Variants in NKAIN3 observed in about 807,000 individuals in gnomAD.
NKAIN3 encodes the protein sodium/potassium-transporting ATPase subunit beta-1-interacting protein 3.
NKAIN3 carries 25 observed loss-of-function variants against 30.2 expected under a neutral mutation model. The ratio of observed to expected loss-of-function variants is 0.83; its 90% CI spans 0.60 to 1.16. The LOEUF (loss-of-function observed/expected upper bound fraction) is 1.16. NKAIN3 is among the 50% of genes most tolerant of loss of function. The probability of loss-of-function intolerance (pLI) is 0.00; values close to 1 mark genes in which losing one functional copy is unlikely to be tolerated. For synonymous variants in NKAIN3, 91 were observed against 89.6 expected, an observed-to-expected ratio of 1.02 and a Z score of -0.09; for missense variants, 225 against 254.1, an observed-to-expected ratio of 0.89 and a Z score of 0.78.
rs1823900144 is a variant in NKAIN3, at chr8:62,974,370, C to T, written c.*8963C>T. On this transcript the variant is annotated 3_prime_UTR_variant, in exon 7 of 7. Transcript: ENST00000623646. ...AGTGGTTTGTAGTTCTTGAAGAGGT[C>T]ATTCACATCCCTTGTAAGTTGCATT... Among the ~76,000 whole-genome samples, 1 of 152,120 alleles carries T rather than the reference C, an allele frequency of 6.6e-6. No individual in the cohort carries two copies. Among genetic ancestry groups the T allele is most frequent in the Non-Finnish European group, 1.5e-5 (1 of 68,022 alleles).
At chr8:62,331,832 A>G (rs561229173) in intron 1 of NKAIN3, among the ~76,000 whole-genome samples, 1 of 152,256 alleles carries the variant, frequency 6.6e-6, no homozygotes, top group South Asian at 2.1e-4. Flanking sequence ...CTTTGTATTA[A>G]TACTTTTAAA....
intron 4 of NKAIN3, among the ~76,000 whole-genome samples, chr8:62,819,132 G>GTTTT (rs150889823): frequency 8.4e-6 from 1 of 119,134 alleles, no homozygotes; most frequent in Non-Finnish European, 1.8e-5. Flanking sequence ...CAGAATTATC[G>GTTTT]TTATATATAT....
intron 1 of NKAIN3, chr8:62,383,384 G>A (rs1335146927): frequency 2.7e-6 from 1 of 376,874 alleles, no homozygotes; most frequent in Non-Finnish European, 5.3e-6. Context: ...TTGCAAACAA[G>A]TGGAGTAGCC....
At chr8:62,787,318 T>A (rs1466220698) in intron 4 of NKAIN3, among the ~76,000 whole-genome samples, 1 of 152,074 alleles carries the variant, frequency 6.6e-6, no homozygotes, top group Non-Finnish European at 1.5e-5. Context: ...TTTAGGCAGC[T>A]AGCAATAGAA....
At position 62,514,673 on chromosome 8, in the gene NKAIN3, ATAAT is replaced by A. The variant is rs773899426; in HGVS notation, c.55-64864_55-64861del. On this transcript the variant is annotated intron_variant, in intron 1 of 6. Coordinates refer to ENST00000623646, the MANE Select transcript of NKAIN3 (RefSeq NM_001304533.3). ...GAGTTAGTCATGGCAAAGTGAATAAATAATTCATGTGTTACTACTCCCCACCCTT... is the reference window on the plus strand; with the variant it reads ...GAGTTAGTCATGGCAAAGTGAATAAATCATGTGTTACTACTCCCCACCCTT... Among the ~76,000 whole-genome samples, 27 of 152,152 alleles carry A rather than the reference ATAAT, an allele frequency of 1.8e-4. 1 individual carries two copies. The highest frequency in any genetic ancestry group is 3.4e-4 in the Non-Finnish European group (23 of 68,026).
At chr8:62,812,780 C>G (rs896214099) in intron 4 of NKAIN3, among the ~76,000 whole-genome samples, 1 of 151,834 alleles carries the variant, frequency 6.6e-6, no homozygotes, top group South Asian at 2.1e-4. Context: ...CTATTTTCCT[C>G]CCTGAATGAT....
intron 1 of NKAIN3, among the ~76,000 whole-genome samples, chr8:62,375,795 A>G (rs905199169): frequency 4.6e-5 from 7 of 152,232 alleles, no homozygotes; most frequent in African/African-American, 7.2e-5. Context: ...AATTGAATAT[A>G]TATGTTTAAC....
intron 5 of NKAIN3, among the ~76,000 whole-genome samples, chr8:62,938,948 T>G (rs190807284): frequency 2.4e-4 from 36 of 152,330 alleles, no homozygotes; most frequent in African/African-American, 8.2e-4. Flanking sequence ...ATTATTAGGC[T>G]GTTCAAAGAG....
chr8:62,932,016 C>T (rs577355211), intron 5 of NKAIN3, among the ~76,000 whole-genome samples: 1 of 152,226 alleles, frequency 6.6e-6, no homozygotes, highest in Admixed American at 6.5e-5. Context: ...CTAAACTGTT[C>T]ATATTCAAAA....
intron 1 of NKAIN3, among the ~76,000 whole-genome samples, chr8:62,333,243 G>T (rs918679395): frequency 6.6e-6 from 1 of 151,864 alleles, no homozygotes. Context: ...TTGAATTTGT[G>T]GTTCATTTCA....
intron 4 of NKAIN3, among the ~76,000 whole-genome samples, chr8:62,871,806 G>C (rs143091874): frequency 6.6e-6 from 1 of 152,296 alleles, no homozygotes; most frequent in African/African-American, 2.4e-5. Context: ...AAAATGATGA[G>C]GAATCAGTGA....
At chr8:62,668,480 A>G (rs1813199650) in intron 3 of NKAIN3, among the ~76,000 whole-genome samples, 1 of 152,232 alleles carries the variant, frequency 6.6e-6, no homozygotes, top group African/African-American at 2.4e-5. Context: ...ATTCAAGACC[A>G]GTGCTGACGC....
intron 4 of NKAIN3, among the ~76,000 whole-genome samples, chr8:62,895,793 C>G (rs1395643924): frequency 6.6e-6 from 1 of 152,112 alleles, no homozygotes; most frequent in Admixed American, 6.6e-5. Flanking sequence ...CCTATCCCCA[C>G]TCCCTCTCTG....
chr8:62,328,693 C>T (rs1269030460), intron 1 of NKAIN3, among the ~76,000 whole-genome samples: 4 of 152,058 alleles, frequency 2.6e-5, no homozygotes, highest in African/African-American at 9.7e-5. Context: ...TCTACATTCT[C>T]CAGAGTAATT....
intron 1 of NKAIN3, among the ~76,000 whole-genome samples, chr8:62,326,352 G>A (rs1390460975): frequency 1.3e-5 from 2 of 151,664 alleles, no homozygotes; most frequent in Non-Finnish European, 1.5e-5. Flanking sequence ...TGTTACATTC[G>A]TTACATTTTG....
chr8:62,947,782 C>A (rs1263186576), intron 5 of NKAIN3, among the ~76,000 whole-genome samples: 13 of 152,346 alleles, frequency 8.5e-5, no homozygotes, highest in Non-Finnish European at 1.0e-4. Flanking sequence ...AGGTCTCCAG[C>A]CCTCAGCCCC....
At chr8:62,311,587 G>T (rs1343470330) in intron 1 of NKAIN3, among the ~76,000 whole-genome samples, 2 of 150,522 alleles carry the variant, frequency 1.3e-5, no homozygotes, top group African/African-American at 5.0e-5. Flanking sequence ...GACTCCATGA[G>T]CCCCTCTGGG....
chr8:62,970,141 T>C lies in NKAIN3; in HGVS notation c.*4734T>C, dbSNP rs1426058878. Reference sequence around the variant, plus strand: ...TTGAGGGACTGAGGGAAGGGAAGATTACTTGAGCCCAGGAATTAGAGGCTG... The same window carrying C: ...TTGAGGGACTGAGGGAAGGGAAGATCACTTGAGCCCAGGAATTAGAGGCTG... On this transcript the variant is annotated 3_prime_UTR_variant, in exon 7 of 7. Transcript: ENST00000623646. 2.9e-5 allele frequency among the ~76,000 whole-genome samples: 4 copies of C among 137,524 alleles called. No homozygotes were observed. The highest frequency in any genetic ancestry group is 4.7e-5 in the Non-Finnish European group (3 of 63,526). The allele number at this position is 137,524 out of a possible 152,430, so 90.2% of individuals were successfully genotyped here. A position where few individuals can be genotyped will look rare whatever the true frequency, so the allele number is the denominator to read the frequency against.
chr8:62,566,966 T>A (rs1252073430), intron 1 of NKAIN3, among the ~76,000 whole-genome samples: 1 of 152,162 alleles, frequency 6.6e-6, no homozygotes. Context: ...ATATATATAC[T>A]CTAGGATATA....
Sources: gnomAD v4.1 joint callset for allele counts (sites outside exome capture counted in the v4.1 genomes callset) on GRCh38, gnomAD v4.1.1 for gene constraint, MANE v1.5 for transcripts, NCBI Gene and HGNC (gene_info 2026-07-23, HGNC 2026-07-21) for gene names.